CDH12: variants seen among roughly 807,000 people sequenced by gnomAD.
The protein encoded by CDH12 is cadherin 12, also known as cadherin-12.
CDH12 carries 41 observed loss-of-function variants against 74.1 expected under a neutral mutation model. The observed-to-expected ratio is 0.55, with a 90% confidence interval of 0.43 to 0.72. CDH12 has a LOEUF of 0.72. Among genes scored for constraint, CDH12 ranks in the 30% least tolerant of loss-of-function variants. The probability of loss-of-function intolerance (pLI) is 0.00; values close to 1 mark genes in which losing one functional copy is unlikely to be tolerated. For synonymous variants in CDH12, 399 were observed against 355.0 expected, an observed-to-expected ratio of 1.12 and a Z score of -1.39; for missense variants, 945 against 977.2, an observed-to-expected ratio of 0.97 and a Z score of 0.44.
At position 21,751,847 on chromosome 5, in the gene CDH12, T is replaced by C; in HGVS notation, c.2275A>G (p.Thr759Ala). 1 of 1,614,074 alleles carries C rather than the reference T, an allele frequency of 6.2e-7. No individual in the cohort carries two copies. Among genetic ancestry groups the C allele is most frequent in the African/African-American group, 1.3e-5 (1 of 75,012 alleles). ...TAGTCATAGTCCTGGTCGGCTTCTG[T>C]GGTGAGAGAGTCTATAGAGCTGAGG... Reference protein sequence around the residue: ...ESLSSIDSLTTEADQDYDYLT... With the variant: ...ESLSSIDSLTAEADQDYDYLT... Residue 759 changes from threonine to alanine, a missense_variant, in exon 15 of 15, where the codon ACA (threonine) becomes GCA (alanine). Transcript: ENST00000382254.
chr5:22,376,357 A>G (rs1741524674), intron 3 of CDH12, among the ~76,000 whole-genome samples: 1 of 151,152 alleles, frequency 6.6e-6, no homozygotes. Context: ...ACATACACTT[A>G]AATACAAAAA....
At chr5:22,526,856 C>T (rs926188202) in intron 1 of CDH12, among the ~76,000 whole-genome samples, 2 of 152,152 alleles carry the variant, frequency 1.3e-5, no homozygotes, top group Admixed American at 1.3e-4. Flanking sequence ...CCTCACACTA[C>T]AGGTCAGGGA....
At chr5:21,939,323 C>T (rs549534591) in intron 6 of CDH12, among the ~76,000 whole-genome samples, 180 of 151,562 alleles carry the variant, frequency 1.2e-3, no homozygotes, top group African/African-American at 4.2e-3. Context: ...TAAATCTTTC[C>T]ACACAATATG....
At chr5:22,666,654 A>G (rs918659556) in intron 1 of CDH12, among the ~76,000 whole-genome samples, 2 of 152,132 alleles carry the variant, frequency 1.3e-5, no homozygotes, top group Non-Finnish European at 2.9e-5. Context: ...CTACTGCAAG[A>G]GTCCCGTAAT....
chr5:22,659,440 C>T (rs1740232443), intron 1 of CDH12, among the ~76,000 whole-genome samples: 1 of 151,814 alleles, frequency 6.6e-6, no homozygotes, highest in Non-Finnish European at 1.5e-5. Context: ...AATTTTTATA[C>T]TTGGGAAATT....
intron 1 of CDH12, among the ~76,000 whole-genome samples, chr5:22,828,515 T>G (rs993186680): frequency 1.3e-5 from 2 of 152,178 alleles, no homozygotes; most frequent in Admixed American, 1.3e-4. Context: ...GAAGGGATAG[T>G]TAACAACCTG....
intron 2 of CDH12, among the ~76,000 whole-genome samples, chr5:22,407,808 C>A (rs1399018789): frequency 6.6e-6 from 1 of 152,098 alleles, no homozygotes; most frequent in African/African-American, 2.4e-5. Flanking sequence ...AAACAATTAC[C>A]TGTCCTTTCT....
At chr5:22,640,994 C>T (rs954512086) in intron 1 of CDH12, among the ~76,000 whole-genome samples, 2 of 152,260 alleles carry the variant, frequency 1.3e-5, no homozygotes, top group African/African-American at 4.8e-5. Flanking sequence ...GCCAACTTCC[C>T]CCACTTCACT....
chr5:22,044,248 C>A (rs542239129), intron 5 of CDH12, among the ~76,000 whole-genome samples: 8 of 152,234 alleles, frequency 5.3e-5, no homozygotes, highest in African/African-American at 1.9e-4. Flanking sequence ...GACAGATGGA[C>A]CCATGGAGAA....
At chr5:22,682,630 T>A (rs1249233203) in intron 1 of CDH12, among the ~76,000 whole-genome samples, 1 of 152,088 alleles carries the variant, frequency 6.6e-6, no homozygotes, top group African/African-American at 2.4e-5. Flanking sequence ...TTTTTGTCTG[T>A]CTAAAGTGGA....
At chr5:22,736,334 T>A (rs79057003) in intron 1 of CDH12, among the ~76,000 whole-genome samples, 8,501 of 151,878 alleles carry the variant, frequency 0.056, 270 homozygotes, top group Admixed American at 0.082. Context: ...TGTATTTTTT[T>A]AAGTAATATG....
chr5:22,727,319 T>C (rs1309197096), intron 1 of CDH12, among the ~76,000 whole-genome samples: 1 of 151,808 alleles, frequency 6.6e-6, no homozygotes, highest in Non-Finnish European at 1.5e-5. Context: ...TTTTTCTTAT[T>C]AAATATTTTT....
intron 1 of CDH12, among the ~76,000 whole-genome samples, chr5:22,619,237 T>C (rs1253062691): frequency 6.6e-6 from 1 of 152,114 alleles, no homozygotes; most frequent in Non-Finnish European, 1.5e-5. Flanking sequence ...ACAAAGGTCG[T>C]GTATTTTACT....
intron 3 of CDH12, among the ~76,000 whole-genome samples, chr5:22,228,304 C>A (rs564656280): frequency 6.6e-6 from 1 of 151,846 alleles, no homozygotes. Flanking sequence ...AATATAACAC[C>A]GTAGCAGCAT....
chr5:22,578,471 T>C (rs924584993), intron 1 of CDH12, among the ~76,000 whole-genome samples: 4 of 152,140 alleles, frequency 2.6e-5, no homozygotes, highest in African/African-American at 7.2e-5. Flanking sequence ...TTGTTTTGTG[T>C]GTAAGTGCTC....
At chr5:22,715,911 C>A (rs1022448833) in intron 1 of CDH12, among the ~76,000 whole-genome samples, 1 of 151,770 alleles carries the variant, frequency 6.6e-6, no homozygotes. Context: ...CCTTGGTGTG[C>A]GGATCACTTG....
chr5:22,286,512 T>C (rs1737141545), intron 3 of CDH12, among the ~76,000 whole-genome samples: 1 of 152,168 alleles, frequency 6.6e-6, no homozygotes, highest in African/African-American at 2.4e-5. Context: ...TGTTAAATGG[T>C]CAAGGTGAGG....
At chr5:22,120,701 G>T (rs2150274619) in intron 4 of CDH12, among the ~76,000 whole-genome samples, 1 of 152,154 alleles carries the variant, frequency 6.6e-6, no homozygotes, top group East Asian at 1.9e-4. Context: ...TTTTTGACAT[G>T]ATTTTGTTTA....
intron 1 of CDH12, among the ~76,000 whole-genome samples, chr5:22,761,150 T>C (rs554997985): frequency 6.6e-6 from 1 of 152,308 alleles, no homozygotes; most frequent in South Asian, 2.1e-4. Flanking sequence ...GACTTGTCAC[T>C]TGTATTTATT....
Sources: gnomAD v4.1 joint callset for allele counts (sites outside exome capture counted in the v4.1 genomes callset) on GRCh38, gnomAD v4.1.1 for gene constraint, MANE v1.5 for transcripts, NCBI Gene and HGNC (gene_info 2026-07-23, HGNC 2026-07-21) for gene names.